The following DLC1 variants were observed in gnomAD, a reference collection of about 807,000 sequenced individuals.
DLC1 encodes DLC1 Rho GTPase activating protein.
A neutral mutation model predicts 140.3 loss-of-function variants in DLC1; 54 were observed. That is an observed-to-expected ratio of 0.38 (90% CI 0.31 to 0.48). The LOEUF is 0.48. DLC1 is among the 20% of genes least tolerant of loss of function. The pLI is 0.96. For missense variants in DLC1, 2,536 were observed against 1,907.0 expected, an observed-to-expected ratio of 1.33 and a Z score of -6.14; for synonymous variants, 986 against 728.1, an observed-to-expected ratio of 1.35 and a Z score of -5.70.
intron 5 of DLC1, among the ~76,000 whole-genome samples, chr8:13,243,274 G>A (rs1420199125): frequency 8.8e-5 from 10 of 113,786 alleles, no homozygotes; most frequent in African/African-American, 3.5e-4. Context: ...TGGGTGACAA[G>A]AGTGAGACTC....
At chr8:13,516,601 A>C (rs933047194), upstream of DLC1, among the ~76,000 whole-genome samples, 10 of 152,202 alleles carry the variant, frequency 6.6e-5, no homozygotes, top group African/African-American at 2.4e-4. Flanking sequence ...GAAGTAGTCA[A>C]ATAAAAACGT....
intron 4 of DLC1, among the ~76,000 whole-genome samples, chr8:13,366,647 G>C (rs537372951): frequency 6.6e-6 from 1 of 152,288 alleles, no homozygotes; most frequent in African/African-American, 2.4e-5. Context: ...GGTTAGAGCA[G>C]ATATAAATTT....
At chr8:13,514,576 C>G in intron 1 of DLC1, 26 bp downstream of exon 1, 1 of 398,518 alleles carries the variant, frequency 2.5e-6, no homozygotes, top group East Asian at 3.6e-5. Context: ...CGCCTCAAAG[C>G]ATAAAGATAG....
intron 5 of DLC1, among the ~76,000 whole-genome samples, chr8:13,196,788 C>T (rs941752763): frequency 1.3e-5 from 2 of 152,130 alleles, no homozygotes; most frequent in African/African-American, 4.8e-5. Flanking sequence ...TTTCAGTCCT[C>T]CTGTGAAGTC....
At position 13,444,028 on chromosome 8, in the gene DLC1, A is replaced by T. The variant is rs557268328; in HGVS notation, c.1024-42409T>A. Among the ~76,000 whole-genome samples the T allele has an allele frequency of 2.8e-4, 43 of 152,338 alleles. No individual in the cohort carries two copies. The East Asian group carries it at 7.7e-3, about 27-fold the overall frequency. On this transcript the variant is annotated intron_variant, in intron 2 of 17. Transcript: ENST00000276297. ...AAATAAAACAATATCTTAAACTCTA[A>T]GTGAAAATATTCTTCTCAAAAAGTA...
chr8:13,176,670 A>G (rs1825776208), intron 5 of DLC1, among the ~76,000 whole-genome samples: 1 of 152,216 alleles, frequency 6.6e-6, no homozygotes. Flanking sequence ...CCAGCTCCCC[A>G]GTGACAATGA....
At chr8:13,324,357 A>G (rs2116917025) in intron 4 of DLC1, among the ~76,000 whole-genome samples, 1 of 150,044 alleles carries the variant, frequency 6.7e-6, no homozygotes, top group African/African-American at 2.4e-5. Flanking sequence ...TCACGAGGTC[A>G]GGAGATCGAG....
chr8:13,144,738 C>A (rs989514888), intron 5 of DLC1, among the ~76,000 whole-genome samples: 8 of 152,166 alleles, frequency 5.3e-5, no homozygotes, highest in African/African-American at 1.9e-4. Flanking sequence ...GCACTCCAGC[C>A]TGGGCAACAG....
chr8:13,260,302 C>A (rs1357022727), intron 5 of DLC1, among the ~76,000 whole-genome samples: 1 of 152,118 alleles, frequency 6.6e-6, no homozygotes, highest in Non-Finnish European at 1.5e-5. Flanking sequence ...CTCAGAAGAT[C>A]CTAACTTTAG....
intron 5 of DLC1, among the ~76,000 whole-genome samples, chr8:13,293,698 A>G (rs866051963): frequency 6.6e-5 from 10 of 152,202 alleles, no homozygotes; most frequent in African/African-American, 2.4e-4. Flanking sequence ...ATGAAATGCC[A>G]TAATAAATAT....
At chr8:13,341,884 A>C (rs1209207196) in intron 4 of DLC1, 1 of 152,196 alleles carries the variant, frequency 6.6e-6, no homozygotes, top group East Asian at 1.9e-4. Flanking sequence ...TCACCGGTGA[A>C]CATGAAATAA....
chr8:13,357,311 C>G (rs928498880), intron 4 of DLC1, among the ~76,000 whole-genome samples: 2 of 152,174 alleles, frequency 1.3e-5, no homozygotes, highest in Admixed American at 6.6e-5. Flanking sequence ...AGATTACATC[C>G]AAATTCACTG....
At chr8:13,477,950 C>T (rs924830805) in intron 2 of DLC1, among the ~76,000 whole-genome samples, 5 of 152,038 alleles carry the variant, frequency 3.3e-5, no homozygotes, top group African/African-American at 7.2e-5. Context: ...TAAGAGAATC[C>T]CTGTAATTAG....
chr8:13,272,241 A>G (rs1830963779), intron 5 of DLC1, among the ~76,000 whole-genome samples: 1 of 152,076 alleles, frequency 6.6e-6, no homozygotes, highest in Non-Finnish European at 1.5e-5. Context: ...TGAAGTTAGG[A>G]GTTCAAGACC....
chr8:13,218,786 A>C (rs1216592673), intron 5 of DLC1, among the ~76,000 whole-genome samples: 1 of 141,910 alleles, frequency 7.0e-6, no homozygotes, highest in South Asian at 2.1e-4. Context: ...TTTTATATAT[A>C]ATATAAATAT....
At position 13,350,457 on chromosome 8, in the gene DLC1, T is replaced by A. The variant is rs550263084; in HGVS notation, c.1314+43096A>T. Reference sequence around the variant, plus strand: ...CAGGCCAGGCGTGGTGGCTCACGTCTGTAATCTCAGCACTTTGGAAAGCCG... The same window carrying A: ...CAGGCCAGGCGTGGTGGCTCACGTCAGTAATCTCAGCACTTTGGAAAGCCG... On this transcript the variant is annotated intron_variant, in intron 4 of 17. Transcript: ENST00000276297. 2.0e-5 allele frequency among the ~76,000 whole-genome samples: 3 copies of A among 152,334 alleles called. No homozygotes were observed. In the South Asian group the frequency reaches 6.2e-4, roughly 32 times the overall value.
At chr8:13,376,729 G>A (rs897997894) in intron 4 of DLC1, among the ~76,000 whole-genome samples, 1 of 152,130 alleles carries the variant, frequency 6.6e-6, no homozygotes, top group Non-Finnish European at 1.5e-5. Context: ...TCAAAGTTTT[G>A]GAAAAGTAAA....
At chr8:13,109,320 G>A (rs757050981) in intron 7 of DLC1, among the ~76,000 whole-genome samples, 3 of 152,138 alleles carry the variant, frequency 2.0e-5, no homozygotes, top group Non-Finnish European at 4.4e-5. Context: ...CACTTTGGGA[G>A]GCCGAGATGG....
At chr8:13,234,309 A>C (rs1325486357) in intron 5 of DLC1, among the ~76,000 whole-genome samples, 1 of 152,162 alleles carries the variant, frequency 6.6e-6, no homozygotes, top group Non-Finnish European at 1.5e-5. Context: ...CAAAACTGAT[A>C]GCAGCATGCC....
Sources: gnomAD v4.1 joint callset for allele counts (sites outside exome capture counted in the v4.1 genomes callset) on GRCh38, gnomAD v4.1.1 for gene constraint, MANE v1.5 for transcripts, NCBI Gene and HGNC (gene_info 2026-07-23, HGNC 2026-07-21) for gene names.